The following CPED1 variants were observed in gnomAD, a reference collection of about 807,000 sequenced individuals.
CPED1 encodes cadherin-like and PC-esterase domain-containing protein 1.
Under a neutral mutation model 128.2 loss-of-function variants are expected in CPED1, and 114 were observed. That is an observed-to-expected ratio of 0.89 (90% CI 0.76 to 1.04). The LOEUF is 1.04. Among genes scored for constraint, CPED1 ranks in the 50% least tolerant of loss-of-function variants. The pLI, the probability that CPED1 is intolerant of heterozygous loss-of-function variation, is 0.00. For synonymous variants in CPED1, 462 were observed against 426.7 expected (o/e 1.08, Z -1.02); for missense variants, 1,211 against 1,207.1 (o/e 1.00, Z -0.05).
chr7:121,159,675 T>A (rs561065571), intron 16 of CPED1, among the ~76,000 whole-genome samples: 95 of 152,272 alleles, frequency 6.2e-4, no homozygotes, highest in Non-Finnish European at 1.1e-3. Flanking sequence ...GATGGTGAAA[T>A]AATTGTGGTA....
chr7:121,058,195 C>A (rs1793551870), intron 4 of CPED1, among the ~76,000 whole-genome samples: 1 of 152,100 alleles, frequency 6.6e-6, no homozygotes, highest in Admixed American at 6.5e-5. Flanking sequence ...GGACTGCGGG[C>A]TTTTACTCTT....
At chr7:121,260,011 A>T (rs1367665033) in intron 18 of CPED1, among the ~76,000 whole-genome samples, 1 of 151,974 alleles carries the variant, frequency 6.6e-6, no homozygotes, top group Non-Finnish European at 1.5e-5. Flanking sequence ...TACGTAATTC[A>T]TTATTGCCTG....
chr7:121,243,316 C>T (rs760687254), intron 17 of CPED1, among the ~76,000 whole-genome samples: 7 of 151,604 alleles, frequency 4.6e-5, no homozygotes, highest in African/African-American at 9.7e-5. Context: ...ATTCCTGAAA[C>T]GATGAACAAG....
intron 4 of CPED1, chr7:121,051,670 T>C (rs1299601911): frequency 3.1e-6 from 1 of 319,524 alleles, no homozygotes; most frequent in Non-Finnish European, 6.0e-6. Flanking sequence ...CCTGTCAGAA[T>C]TGTGTGCACT....
chr7:121,148,214 G>A (rs1424006567), intron 16 of CPED1, among the ~76,000 whole-genome samples: 1 of 152,140 alleles, frequency 6.6e-6, no homozygotes, highest in African/African-American at 2.4e-5. Flanking sequence ...ATAGTGAAGT[G>A]CTCTCAACTA....
chr7:121,265,787 C>T (rs914231929), intron 18 of CPED1, among the ~76,000 whole-genome samples: 1 of 152,130 alleles, frequency 6.6e-6, no homozygotes, highest in African/African-American at 2.4e-5. Context: ...GTGGTTCTTT[C>T]GTCAAGTAGA....
At chr7:121,065,157 G>A (rs1309869272) in intron 5 of CPED1, among the ~76,000 whole-genome samples, 1 of 152,062 alleles carries the variant, frequency 6.6e-6, no homozygotes, top group Non-Finnish European at 1.5e-5. Context: ...CACTCCAAAC[G>A]TAAACCACAC....
At chr7:121,246,564 C>T (rs1798539457) in intron 18 of CPED1, among the ~76,000 whole-genome samples, 1 of 152,156 alleles carries the variant, frequency 6.6e-6, no homozygotes, top group African/African-American at 2.4e-5. Context: ...GGAAACTAAT[C>T]CCATCATGAA....
chr7:121,007,377 G>C (rs1792049630), intron 2 of CPED1, among the ~76,000 whole-genome samples: 1 of 151,874 alleles, frequency 6.6e-6, no homozygotes, highest in African/African-American at 2.4e-5. Flanking sequence ...GAGGAGAATG[G>C]GCATTAAACA....
intron 18 of CPED1, among the ~76,000 whole-genome samples, chr7:121,251,224 A>T (rs1368093173): frequency 2.0e-5 from 3 of 152,238 alleles, no homozygotes; most frequent in African/African-American, 7.2e-5. Context: ...CCACATGATT[A>T]TCTCAATAGA....
At chr7:121,274,028 GTTTA>G (rs1046505798) in intron 22 of CPED1, among the ~76,000 whole-genome samples, 1 of 152,156 alleles carries the variant, frequency 6.6e-6, no homozygotes, top group African/African-American at 2.4e-5. Flanking sequence ...ATTTTTATTT[GTTTA>G]TTTATTTATT....
Position 121,161,963 on chromosome 7 carries a change from T to C in CPED1, c.2055+19822T>C, listed in dbSNP as rs902797161. 2.0e-5 allele frequency among the ~76,000 whole-genome samples: 3 copies of C among 152,206 alleles called. 1 individual carries two copies. In the South Asian group the frequency reaches 6.2e-4, roughly 32 times the overall value. ...TTAAAACTATTGTCTATGATTGGAG[T>C]AACCTCACACAGTAGAGCAGTCTCT... On this transcript the variant is annotated intron_variant, in intron 16 of 22. Transcript: ENST00000310396.
intron 22 of CPED1, among the ~76,000 whole-genome samples, chr7:121,295,140 A>AACACACACACAC (rs35927183): frequency 0.038 from 5,492 of 145,788 alleles, 122 homozygotes; most frequent in African/African-American, 0.054. Context: ...CTGGCCTGAA[A>AACACACACACAC]ACACACACAC....
intron 16 of CPED1, among the ~76,000 whole-genome samples, chr7:121,225,968 C>T (rs1036449014): frequency 6.6e-5 from 10 of 151,922 alleles, no homozygotes; most frequent in Admixed American, 1.3e-4. Context: ...GACCTTCTGA[C>T]GCCTACTTCT....
chr7:121,168,370 CTT>C (rs1796580683), intron 16 of CPED1, among the ~76,000 whole-genome samples: 1 of 152,146 alleles, frequency 6.6e-6, no homozygotes, highest in Non-Finnish European at 1.5e-5. Context: ...AGAATCAAGA[CTT>C]TGTATTCTCT....
At chr7:121,243,841 GCTAA>G (rs1369520280) in intron 17 of CPED1, among the ~76,000 whole-genome samples, 1 of 152,120 alleles carries the variant, frequency 6.6e-6, no homozygotes, top group Non-Finnish European at 1.5e-5. Context: ...AATATTTGAG[GCTAA>G]CTGCCAATTT....
At chr7:121,188,835 G>A (rs933210536) in intron 16 of CPED1, among the ~76,000 whole-genome samples, 5 of 152,050 alleles carry the variant, frequency 3.3e-5, no homozygotes, top group Non-Finnish European at 5.9e-5. Context: ...GCTCAGATAC[G>A]CCATTATGTC....
chr7:121,271,410 T>A lies in CPED1; in HGVS notation c.2848T>A (p.Cys950Ser). The A allele has an allele frequency of 6.2e-7, 1 of 1,612,774 alleles. No homozygotes were observed. The highest frequency in any genetic ancestry group is 8.5e-7 in the Non-Finnish European group (1 of 1,179,172). The change falls in exon 22 of 23, where the codon TGT becomes AGT. Residue 950 changes from cysteine to serine, a missense_variant. Transcript: ENST00000310396. ...GRYKEFLQGKCGCHFHEVVKS... is the reference protein window; with the variant it reads ...GRYKEFLQGKSGCHFHEVVKS... ...TTACAAAGAGTTTCTACAGGGGAAG[T>A]GTGGATGTCATTTCCATGAGGTATT... is the stretch of plus-strand genomic sequence containing the variant.
intron 7 of CPED1, among the ~76,000 whole-genome samples, chr7:121,124,061 A>T (rs1283296097): frequency 6.6e-6 from 1 of 152,180 alleles, no homozygotes; most frequent in East Asian, 1.9e-4. Flanking sequence ...TCTGATGACA[A>T]GACTTGCATT....
Sources: allele counts gnomAD v4.1 joint callset (sites outside exome capture counted in the v4.1 genomes callset), GRCh38; gene constraint gnomAD v4.1.1; transcripts MANE v1.5; gene names NCBI Gene and HGNC (gene_info 2026-07-23, HGNC 2026-07-21).